The following TULP4 variants were observed in gnomAD, a reference collection of about 807,000 sequenced individuals.
TULP4 encodes the protein TUB like protein 4.
A neutral mutation model predicts 129.0 loss-of-function variants in TULP4; 16 were observed. The ratio of observed to expected loss-of-function variants is 0.12; its 90% CI spans 0.08 to 0.19. The LOEUF is 0.19. Ranked by LOEUF, TULP4 falls within the 10% of genes least tolerant of loss-of-function variation. The probability of loss-of-function intolerance (pLI) is 1.00; values close to 1 mark genes in which losing one functional copy is unlikely to be tolerated. For synonymous variants in TULP4, 998 were observed against 854.0 expected (o/e 1.17, Z -2.94); for missense variants, 1,842 against 2,059.1 (o/e 0.89, Z 2.04).
intron 3 of TULP4, among the ~76,000 whole-genome samples, chr6:158,446,342 C>G (rs939184508): frequency 2.6e-5 from 4 of 152,102 alleles, no homozygotes; most frequent in Admixed American, 1.3e-4. Flanking sequence ...TTTTTGTCTT[C>G]CTATGGGAAC....
chr6:158,232,398 C>T (rs1777612964), intron 1 of TULP4: 2 of 148,826 alleles, frequency 1.3e-5, no homozygotes, highest in Admixed American at 1.3e-4. Flanking sequence ...CGTGTGTGCC[C>T]CTGCGGTGGG....
intron 3 of TULP4, among the ~76,000 whole-genome samples, chr6:158,439,842 GC>G (rs1778845654): frequency 6.7e-6 from 1 of 149,648 alleles, no homozygotes; most frequent in Non-Finnish European, 1.5e-5. Context: ...CTCCCGAGTA[GC>G]TGGGACTACA....
chr6:158,475,704 T>C (rs932221803), intron 6 of TULP4, among the ~76,000 whole-genome samples: 2 of 152,168 alleles, frequency 1.3e-5, no homozygotes, highest in Admixed American at 6.5e-5. Context: ...CCCATGAACC[T>C]AGAGGACAGA....
chr6:158,384,637 C>G (rs1049445435), intron 1 of TULP4, among the ~76,000 whole-genome samples: 1 of 152,096 alleles, frequency 6.6e-6, no homozygotes, highest in Non-Finnish European at 1.5e-5. Context: ...TGATCCTTTC[C>G]TGAGGCCAAG....
chr6:158,504,009 G>C lies in TULP4; in HGVS notation c.4346G>C (p.Arg1449Pro). Residue 1449 changes from arginine to proline, a missense_variant, in exon 13 of 14, where the codon CGG becomes CCG. Around this residue, in one of 5 missense-constraint regions of TULP4, gnomAD observed 1,089 missense variants for 987.1 expected, o/e 1.10. Coordinates refer to ENST00000367097, the MANE Select transcript of TULP4 (RefSeq NM_020245.5). ...AGELEEAKCRRASEKEDGRLG... is the reference protein window; with the variant it reads ...AGELEEAKCRPASEKEDGRLG... ...GAGCTGGAGGAGGCCAAGTGCCGGC[G>C]GGCCAGTGAGAAGGAGGACGGGCGG... 3 of 1,612,490 alleles carry C rather than the reference G, an allele frequency of 1.9e-6. No individual in the cohort carries two copies. Among genetic ancestry groups the C allele is most frequent in the Non-Finnish European group, 2.5e-6 (3 of 1,179,368 alleles).
At chr6:158,380,910 A>AAAAGAAG (rs779845034) in intron 1 of TULP4, among the ~76,000 whole-genome samples, 17 of 135,134 alleles carry the variant, frequency 1.3e-4, no homozygotes, top group Non-Finnish European at 2.6e-4. Flanking sequence ...AAAAAAAAAA[A>AAAAGAAG]AAGAAGAAGA....
chr6:158,496,879 G>T (rs1033018501), intron 11 of TULP4, among the ~76,000 whole-genome samples: 8 of 152,142 alleles, frequency 5.3e-5, no homozygotes, highest in Non-Finnish European at 8.8e-5. Flanking sequence ...ATAGGGCCTG[G>T]CTCTGTCACC....
chr6:158,427,058 G>A (rs2115050428), intron 2 of TULP4, among the ~76,000 whole-genome samples: 1 of 152,276 alleles, frequency 6.6e-6, no homozygotes, highest in Admixed American at 6.5e-5. Context: ...AGTGATTTTT[G>A]TATGTTGATT....
chr6:158,348,853 C>T (rs935046873), intron 1 of TULP4, among the ~76,000 whole-genome samples: 1 of 148,102 alleles, frequency 6.8e-6, no homozygotes, highest in Non-Finnish European at 1.5e-5. Context: ...GGCAGAGGTG[C>T]TCCTCACTTC....
Position 158,413,532 on chromosome 6 carries a change from G to A in TULP4, c.381+339G>A, listed in dbSNP as rs746319321. ...GGCATATCACTGTTTTGCCCCCTTC[G>A]AAAGGTATCTTCCCTGTGTTGTCAT... On this transcript the variant is annotated intron_variant, in intron 2 of 13. Transcript: ENST00000367097. This position sits in a 1 kb window ranked among gnomAD's most constrained non-coding sequence, Gnocchi z 4.9. Among the ~76,000 whole-genome samples, 34 of 152,256 alleles carry A rather than the reference G, an allele frequency of 2.2e-4. No individual in the cohort carries two copies. In the Middle Eastern group the frequency reaches 0.01, roughly 46 times the overall value.
chr6:158,443,885 C>T (rs1778954834), intron 3 of TULP4, among the ~76,000 whole-genome samples: 1 of 152,070 alleles, frequency 6.6e-6, no homozygotes, highest in Non-Finnish European at 1.5e-5. Flanking sequence ...CCTTGAAGCA[C>T]ATCTGAAGGC....
intron 1 of TULP4, among the ~76,000 whole-genome samples, chr6:158,305,544 T>TA (rs879781930): frequency 0.014 from 1,950 of 144,174 alleles, 41 homozygotes; most frequent in African/African-American, 0.046. Flanking sequence ...TACCAAAAAT[T>TA]AAAAAAAAAA....
chr6:158,474,265 A>T (rs1480042657), intron 6 of TULP4, among the ~76,000 whole-genome samples: 1 of 152,142 alleles, frequency 6.6e-6, no homozygotes, highest in Non-Finnish European at 1.5e-5. Flanking sequence ...GTGGAGAGGG[A>T]GGCTGGAGAG....
chr6:158,331,934 G>A (rs1306462213), intron 1 of TULP4, among the ~76,000 whole-genome samples: 1 of 148,610 alleles, frequency 6.7e-6, no homozygotes, highest in Non-Finnish European at 1.5e-5. Flanking sequence ...CACTTTGGGA[G>A]GCTGAGGTGG....
intron 1 of TULP4, among the ~76,000 whole-genome samples, chr6:158,289,082 A>G (rs1778883205): frequency 6.6e-6 from 1 of 152,208 alleles, no homozygotes; most frequent in Non-Finnish European, 1.5e-5. Context: ...TTTAAACTAC[A>G]GATTCATTTT....
intron 1 of TULP4, among the ~76,000 whole-genome samples, chr6:158,379,351 T>C (rs1279066515): frequency 6.6e-6 from 1 of 152,020 alleles, no homozygotes; most frequent in African/African-American, 2.4e-5. Context: ...GTAGGGCCAG[T>C]GAGGATTCCA....
rs34200003 is a variant in TULP4, at chr6:158,440,317, CAA to C, written c.544-8656_544-8655del. ...TGGATGACAGAGTGAGTCCCTGTCT[CAA>C]AAAAAAAAAAAAAAAAAAAAAATCC... On this transcript the variant is annotated intron_variant, in intron 3 of 13. Transcript: ENST00000367097. Among the ~76,000 whole-genome samples, 199 of 85,990 alleles carry C rather than the reference CAA, an allele frequency of 2.3e-3. 1 individual carries two copies. Among genetic ancestry groups the C allele is most frequent in the African/African-American group, 4.0e-3 (82 of 20,672 alleles). 56.4% of individuals were successfully genotyped at this position (85,990 alleles called of 152,430 possible). A position where few individuals can be genotyped will look rare whatever the true frequency, so the allele number is the denominator to read the frequency against.
At chr6:158,372,123 GTT>G (rs757335426) in intron 1 of TULP4, among the ~76,000 whole-genome samples, 2 of 28,826 alleles carry the variant, frequency 6.9e-5, no homozygotes, top group African/African-American at 1.5e-4. Context: ...CCATTTTCTA[GTT>G]TTTTTTTTTT....
rs1463579134 is a variant in TULP4 at position 158,324,584 on chromosome 6, G to A, written c.252+10316G>A. Among the ~76,000 whole-genome samples the A allele has an allele frequency of 3.9e-5, 6 of 152,204 alleles. No homozygotes were observed. The South Asian group carries it at 6.2e-4, about 16-fold the overall frequency. ...TTCCTGCCCAGATGGATCGTCTATC[G>A]TGTGTCAGAGGGTGGATATTGTTTG... On this transcript the variant is annotated intron_variant, in intron 1 of 13. Transcript: ENST00000367097.
Sources: allele counts gnomAD v4.1 joint callset (sites outside exome capture counted in the v4.1 genomes callset), GRCh38; gene constraint gnomAD v4.1.1; regional missense constraint gnomAD v4.1.1; non-coding constraint Gnocchi (gnomAD v3.1); transcripts MANE v1.5; gene names NCBI Gene and HGNC (gene_info 2026-07-23, HGNC 2026-07-21).